OPCML: variants seen among roughly 807,000 people sequenced by gnomAD.
The protein encoded by OPCML is opioid binding protein/cell adhesion molecule like.
OPCML carries 13 observed loss-of-function variants against 37.8 expected under a neutral mutation model. That is an observed-to-expected ratio of 0.34 (90% confidence interval 0.22 to 0.55). The LOEUF (loss-of-function observed/expected upper bound fraction) is 0.55, where lower values mean the gene tolerates loss of function less well. Among genes scored for constraint, OPCML ranks in the 20% least tolerant of loss-of-function variants. OPCML has a pLI of 0.91. For synonymous variants in OPCML, 176 were observed against 168.8 expected, an observed-to-expected ratio of 1.04 and a Z score of -0.33; for missense variants, 341 against 435.6, an observed-to-expected ratio of 0.78 and a Z score of 1.93.
chr11:133,151,873 C>T (rs949291982), intron 1 of OPCML, among the ~76,000 whole-genome samples: 3 of 152,174 alleles, frequency 2.0e-5, no homozygotes, highest in African/African-American at 7.2e-5. Flanking sequence ...CCCTCAGAAA[C>T]CATTATCCTT....
chr11:133,248,186 T>C (rs1592139596), intron 1 of OPCML, among the ~76,000 whole-genome samples: 2 of 152,266 alleles, frequency 1.3e-5, no homozygotes, highest in East Asian at 3.9e-4. Context: ...TACAATTGTG[T>C]GAAATTATTG....
At chr11:132,872,272 G>GT (rs1591733756) in intron 2 of OPCML, among the ~76,000 whole-genome samples, 1 of 152,242 alleles carries the variant, frequency 6.6e-6, no homozygotes, top group Admixed American at 6.5e-5. Context: ...TTAAGGCTTT[G>GT]TTTTTTTCTA....
At chr11:132,874,461 C>A (rs1942936369) in intron 2 of OPCML, among the ~76,000 whole-genome samples, 1 of 136,216 alleles carries the variant, frequency 7.3e-6, no homozygotes, top group South Asian at 2.6e-4. Flanking sequence ...TCCCTTCCTT[C>A]CTTCTTTCCT....
chr11:132,667,416 G>T (rs760973263), intron 2 of OPCML, among the ~76,000 whole-genome samples: 4 of 152,160 alleles, frequency 2.6e-5, no homozygotes, highest in Non-Finnish European at 2.9e-5. Context: ...ATTTTAGGCA[G>T]TAGAAACAAA....
chr11:133,368,501 T>C (rs543251720), intron 1 of OPCML, among the ~76,000 whole-genome samples: 58 of 152,118 alleles, frequency 3.8e-4, no homozygotes, highest in African/African-American at 1.2e-3. Context: ...GTCCTTATCC[T>C]CCCAAGCCTA....
rs191941879 is a variant in OPCML at position 132,770,640 on chromosome 11, C to T, written c.147-113321G>A. On this transcript the variant is annotated intron_variant, in intron 2 of 7. Transcript: ENST00000524381. The stretch of plus-strand genomic sequence containing the variant: ...TTCAGGTTAGGCTTAAAAAAAATAC[C>T]TCCCCCTGGAGCTGCTAAGCCAAGG... Among the ~76,000 whole-genome samples the T allele has an allele frequency of 2.3e-3, 345 of 152,136 alleles. 1 individual carries two copies. The highest frequency in any genetic ancestry group is 7.9e-3 in the African/African-American group (327 of 41,500).
intron 1 of OPCML, among the ~76,000 whole-genome samples, chr11:132,996,014 G>C: frequency 6.6e-6 from 1 of 152,162 alleles, no homozygotes; most frequent in Middle Eastern, 3.2e-3. Context: ...ATGGTGATGA[G>C]GGTCCCTTCC....
chr11:133,207,144 C>CA (rs1377363988), intron 1 of OPCML, among the ~76,000 whole-genome samples: 8 of 123,162 alleles, frequency 6.5e-5, no homozygotes, highest in Admixed American at 4.7e-4. Flanking sequence ...AAAAAAAATA[C>CA]AAAAAATTAA....
chr11:132,719,341 A>T (rs1191648795), intron 2 of OPCML, among the ~76,000 whole-genome samples: 1 of 152,190 alleles, frequency 6.6e-6, no homozygotes, highest in Non-Finnish European at 1.5e-5. Context: ...TGGGGAGGGT[A>T]TAAGTAACAC....
chr11:132,555,492 T>C (rs1328403582), intron 3 of OPCML, among the ~76,000 whole-genome samples: 2 of 151,988 alleles, frequency 1.3e-5, no homozygotes. Flanking sequence ...TCCCACCAGG[T>C]CCCTCCCACA....
At chr11:133,409,828 C>T (rs577314630) in intron 1 of OPCML, among the ~76,000 whole-genome samples, 4 of 152,224 alleles carry the variant, frequency 2.6e-5, no homozygotes, top group Non-Finnish European at 5.9e-5. Flanking sequence ...CATCTTTGTT[C>T]TTATGGATCC....
chr11:132,886,907 C>A (rs1315487526), intron 2 of OPCML, among the ~76,000 whole-genome samples: 1 of 152,280 alleles, frequency 6.6e-6, no homozygotes, highest in South Asian at 2.1e-4. Context: ...TCGCAGAATG[C>A]CAGTGGCTCA....
chr11:132,628,406 T>G (rs1049747165), intron 3 of OPCML, among the ~76,000 whole-genome samples: 1 of 152,218 alleles, frequency 6.6e-6, no homozygotes, highest in Non-Finnish European at 1.5e-5. Flanking sequence ...ATGTGTGTGA[T>G]TCCTGTCTTT....
At chr11:133,358,548 T>G (rs954865342) in intron 1 of OPCML, among the ~76,000 whole-genome samples, 2 of 152,178 alleles carry the variant, frequency 1.3e-5, no homozygotes, top group Non-Finnish European at 2.9e-5. Context: ...TTCAAGGTAC[T>G]GGAAAAAAAT....
chr11:132,599,500 C>T (rs1180484888), intron 3 of OPCML, among the ~76,000 whole-genome samples: 1 of 151,934 alleles, frequency 6.6e-6, no homozygotes, highest in Non-Finnish European at 1.5e-5. Flanking sequence ...GAGACAAAAC[C>T]TAAGCCAAGC....
intron 2 of OPCML, among the ~76,000 whole-genome samples, chr11:132,886,676 CG>C (rs1943433812): frequency 6.6e-6 from 1 of 152,138 alleles, no homozygotes; most frequent in South Asian, 2.1e-4. Context: ...GAGTCCATAC[CG>C]GGTTCAGGAA....
At chr11:133,042,278 G>T (rs1366264906) in intron 1 of OPCML, among the ~76,000 whole-genome samples, 4 of 152,186 alleles carry the variant, frequency 2.6e-5, no homozygotes, top group Admixed American at 2.6e-4. Flanking sequence ...AAGGGTCCTG[G>T]GAGCCTAATG....
At chr11:132,907,640 A>T (rs561051404) in intron 2 of OPCML, among the ~76,000 whole-genome samples, 27 of 152,076 alleles carry the variant, frequency 1.8e-4, no homozygotes, top group African/African-American at 6.5e-4. Flanking sequence ...AAAAAAAAAA[A>T]AAAGAAGAAG....
chr11:132,608,326 T>A (rs1938434126), intron 3 of OPCML, among the ~76,000 whole-genome samples: 1 of 152,164 alleles, frequency 6.6e-6, no homozygotes, highest in Non-Finnish European at 1.5e-5. Flanking sequence ...CACACTCTGC[T>A]CAGAGACACA....
Sources: allele counts gnomAD v4.1 joint callset (sites outside exome capture counted in the v4.1 genomes callset), GRCh38; gene constraint gnomAD v4.1.1; transcripts MANE v1.5; gene names NCBI Gene and HGNC (gene_info 2026-07-23, HGNC 2026-07-21).